VMP1: variants seen among roughly 807,000 people sequenced by gnomAD.
VMP1 encodes the protein vacuole membrane protein 1.
VMP1 carries 11 observed loss-of-function variants against 56.0 expected under a neutral mutation model. The observed-to-expected ratio is 0.20, with a 90% CI of 0.12 to 0.32. The LOEUF (loss-of-function observed/expected upper bound fraction) is 0.32, where lower values mean the gene tolerates loss of function less well. Among genes scored for constraint, VMP1 ranks in the 10% least tolerant of loss-of-function variants. The probability of loss-of-function intolerance (pLI) is 1.00; values close to 1 mark genes in which losing one functional copy is unlikely to be tolerated. For missense variants in VMP1, 296 were observed against 490.3 expected, an observed-to-expected ratio of 0.60 and a Z score of 3.74; for synonymous variants, 149 against 165.0, an observed-to-expected ratio of 0.90 and a Z score of 0.74.
chr17:59,714,441 T>G (rs1195554623), intron 1 of VMP1, among the ~76,000 whole-genome samples: 1 of 152,136 alleles, frequency 6.6e-6, no homozygotes. Context: ...CATTAGGGGT[T>G]AAATTTTAAC....
intron 7 of VMP1, among the ~76,000 whole-genome samples, chr17:59,785,598 G>A (rs9896386): frequency 0.015 from 2,198 of 150,516 alleles, 46 homozygotes; most frequent in African/African-American, 0.05. Flanking sequence ...GCTGAGGAAC[G>A]AGAATCGCTT....
At chr17:59,792,011 C>T (rs1287627519) in intron 7 of VMP1, among the ~76,000 whole-genome samples, 2 of 152,120 alleles carry the variant, frequency 1.3e-5, no homozygotes, top group South Asian at 4.1e-4. Flanking sequence ...ATGGCTCATG[C>T]TTGTAATCCC....
At chr17:59,743,791 C>T (rs973440717) in intron 5 of VMP1, among the ~76,000 whole-genome samples, 6 of 151,940 alleles carry the variant, frequency 3.9e-5, no homozygotes, top group Non-Finnish European at 2.9e-5. Flanking sequence ...AGCTCCAAGA[C>T]TTTTTTGATG....
At chr17:59,808,655 A>T in intron 7 of VMP1, 141 bp from the exon 8 acceptor site, 1 of 630,990 alleles carries the variant, frequency 1.6e-6, no homozygotes, top group East Asian at 2.8e-5. Flanking sequence ...GTTTCAGTGA[A>T]CAACCTACTG....
At chr17:59,734,993 C>T (rs1427047597) in intron 2 of VMP1, among the ~76,000 whole-genome samples, 1 of 139,844 alleles carries the variant, frequency 7.2e-6, no homozygotes, top group Non-Finnish European at 1.5e-5. Flanking sequence ...TTCACTGCAA[C>T]CTCTGCCTCC....
At chr17:59,725,007 A>G (rs1365502292) in intron 1 of VMP1, among the ~76,000 whole-genome samples, 1 of 150,726 alleles carries the variant, frequency 6.6e-6, no homozygotes, top group East Asian at 2.0e-4. Context: ...AACAACAAAA[A>G]TTAGCCAGGT....
chr17:59,795,213 G>T (rs994639472), intron 7 of VMP1, among the ~76,000 whole-genome samples: 4 of 151,964 alleles, frequency 2.6e-5, no homozygotes, highest in African/African-American at 9.7e-5. Context: ...GACCTCAGGT[G>T]ATCTGCCCAC....
At chr17:59,801,108 ATATATGTGTGTGTG>A (rs1404011089) in intron 7 of VMP1, among the ~76,000 whole-genome samples, 21 of 127,064 alleles carry the variant, frequency 1.7e-4, no homozygotes, top group African/African-American at 8.3e-4. Context: ...ATATATATAT[ATATATGTGTGTGTG>A]TGTGTGTGTG....
intron 5 of VMP1, among the ~76,000 whole-genome samples, chr17:59,759,296 C>T (rs537881161): frequency 6.6e-6 from 1 of 152,148 alleles, no homozygotes; most frequent in East Asian, 1.9e-4. Context: ...ATTGCTTGAA[C>T]CCCAGAGGCG....
At position 59,792,854 on chromosome 17, in the gene VMP1, A is replaced by AAAAAAAAAT. The variant is rs1410703669; in HGVS notation, c.715-15940_715-15939insAAAAAATAA. ...ACATGAGCAAAAACGCCATCTCAAA[A>AAAAAAAAAT]AATAATAATAATAATAATAATAATT... On this transcript the variant is annotated intron_variant, in intron 7 of 11. Transcript: ENST00000262291. 2.3e-3 allele frequency among the ~76,000 whole-genome samples: 203 copies of AAAAAAAAAT among 86,440 alleles called. 7 individuals are homozygous for AAAAAAAAAT. The highest frequency in any genetic ancestry group is 6.8e-3 in the African/African-American group (195 of 28,646). 56.7% of individuals were successfully genotyped at this position (86,440 alleles called of 152,430 possible).
intron 1 of VMP1, among the ~76,000 whole-genome samples, chr17:59,716,335 T>C (rs180735137): frequency 2.0e-5 from 3 of 152,352 alleles, no homozygotes; most frequent in African/African-American, 7.2e-5. Context: ...TCATAGATAC[T>C]ACGTGAGTTT....
intron 5 of VMP1, among the ~76,000 whole-genome samples, chr17:59,740,196 T>C (rs911224763): frequency 6.6e-6 from 1 of 152,178 alleles, no homozygotes; most frequent in African/African-American, 2.4e-5. Flanking sequence ...TTGAGTTAGA[T>C]ACTGAGGGCA....
intron 1 of VMP1, among the ~76,000 whole-genome samples, chr17:59,722,053 G>A (rs2034420192): frequency 6.6e-6 from 1 of 152,096 alleles, no homozygotes; most frequent in African/African-American, 2.4e-5. Context: ...CAATAAGGAC[G>A]TGAGTCCTTA....
intron 7 of VMP1, 59 bp downstream of exon 7, chr17:59,773,944 G>C (rs2036528615): frequency 7.3e-7 from 1 of 1,370,564 alleles, no homozygotes; most frequent in Admixed American, 2.8e-5. Flanking sequence ...AGGCTATTAA[G>C]GTAAAATTGT....
chr17:59,720,762 T>A (rs896203201), intron 1 of VMP1, among the ~76,000 whole-genome samples: 6 of 151,472 alleles, frequency 4.0e-5, no homozygotes, highest in Admixed American at 4.0e-4. Flanking sequence ...TCACCTGAGG[T>A]CAGGAGTTCC....
chr17:59,825,253 T>G (rs2038610223), intron 10 of VMP1, among the ~76,000 whole-genome samples: 1 of 151,726 alleles, frequency 6.6e-6, no homozygotes, highest in Non-Finnish European at 1.5e-5. Context: ...TTTGTGTCTT[T>G]AGTAGAGACA....
chr17:59,835,628 T>G (rs1181564065), intron 10 of VMP1, among the ~76,000 whole-genome samples: 1 of 151,184 alleles, frequency 6.6e-6, no homozygotes, highest in African/African-American at 2.4e-5. Context: ...GTAGTGGGGA[T>G]TCTGTGCATG....
chr17:59,723,620 C>T (rs143786230), intron 1 of VMP1, among the ~76,000 whole-genome samples: 349 of 152,184 alleles, frequency 2.3e-3, no homozygotes, highest in Non-Finnish European at 4.1e-3. Context: ...CTGTATATGT[C>T]GGCAACTCTT....
At chr17:59,737,936 A>AT (rs1274318695) in intron 4 of VMP1, among the ~76,000 whole-genome samples, 2 of 151,612 alleles carry the variant, frequency 1.3e-5, no homozygotes, top group African/African-American at 2.4e-5. Flanking sequence ...CACCCAGCTA[A>AT]TTTTTTTTGT....
Sources: gnomAD v4.1 joint callset for allele counts (sites outside exome capture counted in the v4.1 genomes callset) on GRCh38, gnomAD v4.1.1 for gene constraint, MANE v1.5 for transcripts, NCBI Gene and HGNC (gene_info 2026-07-23, HGNC 2026-07-21) for gene names.